Variants in PLK4 observed in about 807,000 individuals in gnomAD.
The protein encoded by PLK4 is serine/threonine-protein kinase PLK4.
PLK4 carries 51 observed loss-of-function variants against 103.0 expected under a neutral mutation model. The ratio of observed to expected loss-of-function variants is 0.50; its 90% confidence interval spans 0.40 to 0.63. The LOEUF is 0.63. Among genes scored for constraint, PLK4 ranks in the 20% least tolerant of loss-of-function variants. The pLI is 0.00. For synonymous variants in PLK4, 389 were observed against 376.8 expected (o/e 1.03, Z -0.38); for missense variants, 1,054 against 1,151.0 (o/e 0.92, Z 1.22).
At chr4:127,889,410 T>TG (rs1398509296) in intron 6 of PLK4, among the ~76,000 whole-genome samples, 1 of 152,176 alleles carries the variant, frequency 6.6e-6, no homozygotes, top group East Asian at 1.9e-4. Flanking sequence ...TAGTTGCATA[T>TG]TTTCATTAAT....
rs377185023 is a variant in PLK4 at position 127,882,781 on chromosome 4, G to A, written c.127-481G>A. 1.7e-4 allele frequency among the ~76,000 whole-genome samples: 26 copies of A among 152,012 alleles called. No individual in the cohort carries two copies. The South Asian group carries it at 4.4e-3, about 25-fold the overall frequency. On this transcript the variant is annotated intron_variant, in intron 2 of 15. Coordinates refer to ENST00000270861, the MANE Select transcript of PLK4 (RefSeq NM_014264.5). ...TCTCAAAAAAAAAAATTAGCCAAGC[G>A]TGGTGGCATGTGCCTGTGGTCCCAG...
chr4:127,882,682 C>G (rs1419498585), intron 2 of PLK4, among the ~76,000 whole-genome samples: 1 of 152,106 alleles, frequency 6.6e-6, no homozygotes, highest in South Asian at 2.1e-4. Context: ...CGCTTGAACC[C>G]GGGAGGCAGA....
At chr4:127,893,904 T>A in intron 13 of PLK4, 23 bp downstream of exon 13, 1 of 1,249,764 alleles carries the variant, frequency 8.0e-7, no homozygotes, top group Non-Finnish European at 1.2e-6. Flanking sequence ...ATGTCACTTC[T>A]GTACTTTAAA....
In PLK4 at chr4:127,893,526, G is replaced by C; in HGVS notation, c.2336G>C (p.Cys779Ser). ...MDHANEGHRI[C>S]LALESIISEE... ...CTTTTGAAATAGGGTCATCGTATTT[G>C]TTTAGCACTGGAATCCATAATTTCA... The change falls in exon 12 of 16, where the codon TGT (cysteine) becomes TCT (serine). Residue 779 changes from cysteine (C) to serine (S), a missense_variant. This residue lies in a region of PLK4 where 680 missense variants were observed against 660.3 expected (regional missense o/e 1.03). Transcript: ENST00000270861. The C allele has an allele frequency of 6.2e-7, 1 of 1,611,844 alleles. No homozygotes were observed. The highest frequency in any genetic ancestry group is 8.5e-7 in the Non-Finnish European group (1 of 1,178,780).
rs1220898108 is a variant in PLK4 at position 127,881,054 on chromosome 4, C to T, written c.-81C>T. On this transcript the variant is annotated 5_prime_UTR_variant, in exon 1 of 16. Coordinates refer to ENST00000270861, the MANE Select transcript of PLK4 (RefSeq NM_014264.5). ...AGCCGAGCCTGATGGGCGCCAAGGC[C>T]GGCTGGCTGCTTGGAGCGCTGCCTC... 2 of 1,533,140 alleles carry T rather than the reference C, an allele frequency of 1.3e-6. No homozygotes were observed. The highest frequency in any genetic ancestry group is 2.7e-5 in the African/African-American group (2 of 73,378). 95.0% of individuals were successfully genotyped at this position (1,533,140 alleles called of 1,614,324 possible).
At chr4:127,888,345 C>T (rs557927014) in intron 6 of PLK4, among the ~76,000 whole-genome samples, 7 of 152,074 alleles carry the variant, frequency 4.6e-5, no homozygotes, top group African/African-American at 7.2e-5. Flanking sequence ...TTATTATCTC[C>T]GTCTTACAGA....
chr4:127,881,036 C>A lies in PLK4; in HGVS notation c.-99C>A. On this transcript the variant is annotated 5_prime_UTR_variant, in exon 1 of 16. Coordinates refer to ENST00000270861, the MANE Select transcript of PLK4 (RefSeq NM_014264.5). ...TGGAGCGGCGGTTTAGAGAGCCGAG[C>A]CTGATGGGCGCCAAGGCCGGCTGGC... The A allele has an allele frequency of 2.2e-6, 3 of 1,392,916 alleles. No homozygotes were observed. Among genetic ancestry groups the A allele is most frequent in the South Asian group, 1.2e-5 (1 of 85,344 alleles). The allele number at this position is 1,392,916 out of a possible 1,614,324, so 86.3% of individuals were successfully genotyped here. A position where few individuals can be genotyped will look rare whatever the true frequency, so the allele number is the denominator to read the frequency against.
At position 127,885,743 on chromosome 4, in the gene PLK4, T is replaced by C. The variant is rs146947866; in HGVS notation, c.373T>C (p.Leu125=). 76 of 1,613,598 alleles carry C rather than the reference T, an allele frequency of 4.7e-5. No individual in the cohort carries two copies. The African/African-American group carries it at 9.3e-4, about 20-fold the overall frequency. Residue 125 remains leucine (L), a synonymous_variant, in exon 5 of 16, where the codon TTG becomes CTG. Coordinates refer to ENST00000270861, the MANE Select transcript of PLK4 (RefSeq NM_014264.5). ...CATGCACCAGATCATCACAGGGATG[T>C]TGTATCTTCATTCTCATGGTATACT... The part of the protein sequence containing the change: ...HFMHQIITGM[L]YLHSHGILHR...
At position 127,893,874 on chromosome 4, in the gene PLK4, A is replaced by G; in HGVS notation, c.2555A>G (p.Asn852Ser). The change falls in exon 13 of 16, where the codon AAT becomes AGT. Residue 852 changes from asparagine to serine, a missense_variant. This residue lies in a region of PLK4 where 167 missense variants were observed against 200.7 expected (regional missense o/e 0.83). Transcript: ENST00000270861. ...AASPTQAPILNPSMVTNEGLG... is the reference protein window; with the variant it reads ...AASPTQAPILSPSMVTNEGLG... ...TCTCCAACACAGGCACCAATCCTTA[A>G]TCCCTCTGTAAGTAAATATATGTCA... 1 of 1,483,648 alleles carries G rather than the reference A, an allele frequency of 6.7e-7. No individual in the cohort carries two copies. The allele number at this position is 1,483,648 out of a possible 1,614,324, so 91.9% of individuals were successfully genotyped here.
intron 4 of PLK4, 148 bp from the exon 5 acceptor site, chr4:127,885,560 A>C (rs1285964767): frequency 1.6e-5 from 10 of 626,958 alleles, no homozygotes; most frequent in Non-Finnish European, 2.8e-5. Context: ...CTGGTAATTG[A>C]AGTGGCTGGT....
rs967796334 is a variant in PLK4 at position 127,892,434 on chromosome 4, T to C, written c.2108T>C (p.Ile703Thr). 8 of 1,588,386 alleles carry C rather than the reference T, an allele frequency of 5.0e-6. No individual in the cohort carries two copies. Among genetic ancestry groups the C allele is most frequent in the Non-Finnish European group, 6.8e-6 (8 of 1,169,866 alleles). The change falls in exon 10 of 16, where the codon ATC (isoleucine) becomes ACC (threonine). Residue 703 changes from isoleucine (I) to threonine (T), a missense_variant. Physicochemically the swap from Ile to Thr is moderately conservative, Grantham distance 89 (BLOSUM62 -1). Transcript: ENST00000270861. ...CTTGTAAGATCTAAATCTCCCAAAATCACTTATTTTACAAGATATGCTAAA... is the reference window on the plus strand; with the variant it reads ...CTTGTAAGATCTAAATCTCCCAAAACCACTTATTTTACAAGATATGCTAAA... ...VQLVRSKSPK[I>T]TYFTRYAKCI...
At chr4:127,896,231 C>T (rs1157099795) in intron 14 of PLK4, among the ~76,000 whole-genome samples, 1 of 152,166 alleles carries the variant, frequency 6.6e-6, no homozygotes, top group Non-Finnish European at 1.5e-5. Flanking sequence ...ACACTGTACT[C>T]TTAAGTTGGC....
intron 1 of PLK4, 117 bp downstream of exon 1, chr4:127,881,281 C>T (rs1165783986): frequency 1.3e-6 from 2 of 1,566,746 alleles, no homozygotes; most frequent in Non-Finnish European, 1.7e-6. Context: ...CACCGAGGTG[C>T]TTAGGGAGGG....
chr4:127,886,830 C>CT (rs890007768), intron 5 of PLK4, 102 bp downstream of exon 5: 3 of 626,390 alleles, frequency 4.8e-6, no homozygotes, highest in Admixed American at 3.5e-5. Context: ...AAATGAATGT[C>CT]TAAAAAAAAA....
chr4:127,898,001 G>A (rs1331704548), intron 15 of PLK4, among the ~76,000 whole-genome samples: 5 of 151,602 alleles, frequency 3.3e-5, no homozygotes, highest in Admixed American at 3.3e-4. Context: ...ACCACACCTG[G>A]CTAATTTTGT....
At chr4:127,881,767 G>A (rs912318797) in intron 1 of PLK4, 64 bp from the exon 2 acceptor site, 2 of 971,190 alleles carry the variant, frequency 2.1e-6, no homozygotes, top group East Asian at 2.5e-5. Context: ...TCTTTTTCCA[G>A]CCCCTTCCCA....
intron 4 of PLK4, 106 bp downstream of exon 4, chr4:127,883,659 G>T: frequency 2.0e-6 from 1 of 511,528 alleles, no homozygotes; most frequent in East Asian, 3.0e-5. Context: ...TAGTAAAACT[G>T]TTTGAATTAT....
rs1735460848 is a variant in PLK4, at chr4:127,893,857, A to T, written c.2538A>T (p.Thr846=). 1 of 1,582,018 alleles carries T rather than the reference A, an allele frequency of 6.3e-7. No individual in the cohort carries two copies. The highest frequency in any genetic ancestry group is 1.3e-5 in the African/African-American group (1 of 74,190). The change falls in exon 13 of 16, where the codon ACA becomes ACT. Residue 846 remains threonine, a synonymous_variant. Coordinates refer to ENST00000270861, the MANE Select transcript of PLK4 (RefSeq NM_014264.5). ...RMVMHSAASP[T]QAPILNPSMV... The stretch of plus-strand genomic sequence containing the variant: ...TCATGCATAGTGCTGCTTCTCCAAC[A>T]CAGGCACCAATCCTTAATCCCTCTG...
Position 127,895,068 on chromosome 4 carries a change from T to C in PLK4, c.2678T>C (p.Val893Ala), listed in dbSNP as rs1735512229. 1.1e-5 allele frequency: 18 copies of C among 1,612,024 alleles called. No individual in the cohort carries two copies. The highest frequency in any genetic ancestry group is 2.7e-5 in the African/African-American group (2 of 74,824). Residue 893 changes from valine to alanine, a missense_variant, in exon 14 of 16, where the codon GTG (valine) becomes GCG (alanine). This residue lies in a region of PLK4 where 167 missense variants were observed against 200.7 expected (regional missense o/e 0.83). Coordinates refer to ENST00000270861, the MANE Select transcript of PLK4 (RefSeq NM_014264.5). ...KSAQLLKSVFVKNVGWATQLT... is the reference protein window; with the variant it reads ...KSAQLLKSVFAKNVGWATQLT... ...GCACAACTTTTGAAATCTGTTTTTG[T>C]GAAAAATGTTGGTTGGGCTACACAG...
Sources: allele counts gnomAD v4.1 joint callset (sites outside exome capture counted in the v4.1 genomes callset), GRCh38; gene constraint gnomAD v4.1.1; regional missense constraint gnomAD v4.1.1; transcripts MANE v1.5; gene names NCBI Gene and HGNC (gene_info 2026-07-23, HGNC 2026-07-21).